BCORL1: variants seen among roughly 807,000 people sequenced by gnomAD.
BCORL1 encodes the protein BCL6 corepressor like 1, also known as BCL-6 corepressor-like protein 1.
A neutral mutation model predicts 87.6 loss-of-function variants in BCORL1; 7 were observed. The observed-to-expected ratio is 0.08, with a 90% CI of 0.05 to 0.15. The LOEUF (loss-of-function observed/expected upper bound fraction) is 0.15. Among genes scored for constraint, BCORL1 ranks in the 10% least tolerant of loss-of-function variants. The probability of loss-of-function intolerance (pLI) is 1.00; values close to 1 mark genes in which losing one functional copy is unlikely to be tolerated. For synonymous variants in BCORL1, 591 were observed against 634.4 expected, an observed-to-expected ratio of 0.93 and a Z score of 1.03; for missense variants, 1,215 against 1,499.7, an observed-to-expected ratio of 0.81 and a Z score of 3.13.
chrX:129,985,888 C>T (rs977020253), intron 1 of BCORL1, among the ~76,000 whole-genome samples: 1 of 109,281 alleles, frequency 9.2e-6, no homozygotes, highest in Admixed American at 9.7e-5. Context: ...GAGTCTCAGT[C>T]GCCCAGGCTG....
chrX:129,982,219 C>G (rs912207724), upstream of BCORL1, among the ~76,000 whole-genome samples: 1 of 111,122 alleles, frequency 9.0e-6, no homozygotes, highest in African/African-American at 3.3e-5. Context: ...GGACGTGGGG[C>G]TCCTGCAGCC....
At chrX:130,054,951 G>A (rs1932280453) in intron 13 of BCORL1, among the ~76,000 whole-genome samples, 1 of 111,458 alleles carries the variant, frequency 9.0e-6, no homozygotes, top group Admixed American at 9.5e-5. Context: ...AAGATCCAGT[G>A]AGGGTGGGTG....
intron 3 of BCORL1, 92 bp from the exon 4 acceptor site, chrX:130,012,858 A>G (rs1029755096): frequency 3.5e-6 from 4 of 1,128,409 alleles, no homozygotes; most frequent in Non-Finnish European, 4.7e-6. Context: ...GTCGAGTTGC[A>G]GAGAAGACCA....
At chrX:129,984,227 G>A (rs1429278887) in intron 1 of BCORL1, among the ~76,000 whole-genome samples, 2 of 105,216 alleles carry the variant, frequency 1.9e-5, no homozygotes, top group African/African-American at 3.4e-5. Context: ...AGCCGTTGCC[G>A]CCGCCGCCGC....
chrX:130,046,837 C>T (rs986056761), intron 11 of BCORL1, among the ~76,000 whole-genome samples: 5 of 110,922 alleles, frequency 4.5e-5, no homozygotes, highest in South Asian at 3.8e-4. Context: ...TGAGCCACCG[C>T]GCCCAGCCTC....
chrX:130,025,147 C>A lies in BCORL1; in HGVS notation c.3846C>A (p.Ala1282=). The change falls in exon 7 of 14, where the codon GCC becomes GCA. Residue 1282 remains alanine, a synonymous_variant. Transcript: ENST00000540052. ...QRDTQYRSHH[A]QDKSLLSQGR... is the part of the protein sequence containing the mutation. ...ACACCCAGTATCGCAGCCACCATGC[C>A]CAGGACAAGTCTCTGCTGAGCCAGG... 8.3e-7 allele frequency: 1 copy of A among 1,211,938 alleles called. No homozygotes were observed. The highest frequency in any genetic ancestry group is 1.1e-6 in the Non-Finnish European group (1 of 895,562).
intron 1 of BCORL1, among the ~76,000 whole-genome samples, chrX:130,000,029 C>T (rs1927921257): frequency 9.1e-6 from 1 of 109,578 alleles, no homozygotes; most frequent in South Asian, 3.9e-4. Context: ...GGGGTATCAG[C>T]CAATAGGCTG....
At chrX:130,032,579 T>C (rs186609318) in intron 8 of BCORL1, among the ~76,000 whole-genome samples, 2 of 110,598 alleles carry the variant, frequency 1.8e-5, no homozygotes, top group East Asian at 2.9e-4. Flanking sequence ...GATCAGGGGA[T>C]CACTGGGGCC....
intron 10 of BCORL1, 42 bp from the exon 11 acceptor site, chrX:130,039,095 C>T (rs368068355): frequency 8.3e-7 from 1 of 1,199,764 alleles, no homozygotes; most frequent in East Asian, 3.0e-5. Context: ...ACCCCAGTTC[C>T]CACTTGGGCC....
At chrX:130,027,991 G>A (rs1331191981) in intron 7 of BCORL1, among the ~76,000 whole-genome samples, 3 of 112,531 alleles carry the variant, frequency 2.7e-5, no homozygotes, top group Admixed American at 9.4e-5. Flanking sequence ...AATTAGAGAT[G>A]TTGCTGGTGT....
At chrX:130,003,093 C>T (rs1476595767) in intron 1 of BCORL1, among the ~76,000 whole-genome samples, 1 of 111,657 alleles carries the variant, frequency 9.0e-6, no homozygotes, top group Non-Finnish European at 1.9e-5. Flanking sequence ...CTCCTACCAC[C>T]TCCACACTGG....
At chrX:130,023,002 C>T (rs766149253) in intron 6 of BCORL1, 25 bp downstream of exon 6, 49 of 1,129,616 alleles carry the variant, frequency 4.3e-5, no homozygotes, top group Non-Finnish European at 5.8e-5. Context: ...GGTGATGGCC[C>T]CTCTCAGCAT....
chrX:130,024,542 T>A (rs2075041028), intron 6 of BCORL1, among the ~76,000 whole-genome samples: 1 of 111,114 alleles, frequency 9.0e-6, no homozygotes, highest in African/African-American at 3.3e-5. Context: ...TTGCCCTGTC[T>A]GAGACCCCAA....
At chrX:130,003,537 A>T (rs1432043610) in intron 1 of BCORL1, among the ~76,000 whole-genome samples, 7 of 109,255 alleles carry the variant, frequency 6.4e-5, no homozygotes, top group African/African-American at 2.3e-4. Flanking sequence ...CACGGTGGCT[A>T]ATTTTGTGTT....
Position 130,014,014 on chromosome X carries a change from C to T in BCORL1, c.1242C>T (p.Ser414=). The part of the protein sequence containing the change: ...AIPTSAPIPA[S]FSLSRVCFPA... The stretch of plus-strand genomic sequence containing the variant: ...CCACCTCTGCACCCATCCCGGCCTC[C>T]TTCAGTTTGAGTAGAGTGTGCTTTC... The change falls in exon 4 of 14, where the codon TCC becomes TCT. Residue 414 remains serine, a synonymous_variant. Coordinates refer to ENST00000540052, the MANE Select transcript of BCORL1 (RefSeq NM_001379451.1). 1.7e-6 allele frequency: 2 copies of T among 1,211,008 alleles called. No homozygotes were observed. Among genetic ancestry groups the T allele is most frequent in the Non-Finnish European group, 2.2e-6 (2 of 895,097 alleles).
chrX:130,038,364 G>A (rs1325683303), intron 10 of BCORL1, among the ~76,000 whole-genome samples: 1 of 111,653 alleles, frequency 9.0e-6, no homozygotes, highest in African/African-American at 3.3e-5. Context: ...GCAGATCCAG[G>A]AGGGGGCTCC....
intron 7 of BCORL1, among the ~76,000 whole-genome samples, chrX:130,026,880 C>T (rs1233413153): frequency 8.8e-6 from 1 of 113,632 alleles, no homozygotes; most frequent in Non-Finnish European, 1.9e-5. Context: ...TGGTTACTTT[C>T]CTCCAGATCT....
At chrX:130,019,488 C>T (rs777102954) in intron 4 of BCORL1, among the ~76,000 whole-genome samples, 2 of 112,570 alleles carry the variant, frequency 1.8e-5, no homozygotes, top group Non-Finnish European at 3.8e-5. Flanking sequence ...CAATGCTTTC[C>T]TCCTCCTAAC....
At chrX:130,016,241 G>A (rs1378276088) in intron 4 of BCORL1, 28 bp downstream of exon 4, 2 of 1,161,915 alleles carry the variant, frequency 1.7e-6, no homozygotes, top group South Asian at 2.0e-5. Flanking sequence ...GTCCAGGGTG[G>A]GGCCGAGATG....
Sources: gnomAD v4.1 joint callset for allele counts (sites outside exome capture counted in the v4.1 genomes callset) on GRCh38, gnomAD v4.1.1 for gene constraint, MANE v1.5 for transcripts, NCBI Gene and HGNC (gene_info 2026-07-23, HGNC 2026-07-21) for gene names.